VPS41: variants seen among roughly 807,000 people sequenced by gnomAD.
VPS41 encodes the protein VPS41 subunit of HOPS complex, also known as vacuolar protein sorting-associated protein 41 homolog.
In VPS41, 85 loss-of-function variants were observed where a neutral mutation model predicts 130.9. The ratio of observed to expected loss-of-function variants is 0.65; its 90% confidence interval spans 0.55 to 0.78. The LOEUF (loss-of-function observed/expected upper bound fraction) is 0.78, where lower values mean the gene tolerates loss of function less well. Ranked by LOEUF, VPS41 falls within the 30% of genes least tolerant of loss-of-function variation. The probability of loss-of-function intolerance (pLI) is 0.00; values close to 1 mark genes in which losing one functional copy is unlikely to be tolerated. For missense variants in VPS41, 874 were observed against 1,018.7 expected (o/e 0.86, Z 1.93); for synonymous variants, 335 against 332.9 (o/e 1.01, Z -0.07).
chr7:38,817,106 G>C (rs574427423), intron 7 of VPS41, among the ~76,000 whole-genome samples: 6 of 151,540 alleles, frequency 4.0e-5, no homozygotes, highest in African/African-American at 9.7e-5. Context: ...TGTCAGCGAA[G>C]AGTAGCCATA....
chr7:38,830,842 G>A (rs1175775619), intron 4 of VPS41, among the ~76,000 whole-genome samples: 1 of 152,188 alleles, frequency 6.6e-6, no homozygotes, highest in East Asian at 1.9e-4. Flanking sequence ...TTCCTAGAAT[G>A]TCAGAAGAGT....
chr7:38,727,586 C>T (rs1304026800), intron 27 of VPS41, among the ~76,000 whole-genome samples: 1 of 152,184 alleles, frequency 6.6e-6, no homozygotes, highest in Non-Finnish European at 1.5e-5. Flanking sequence ...TGCTGCAACA[C>T]TGTCTGAAAT....
At chr7:38,883,714 A>G (rs1786662516) in intron 2 of VPS41, among the ~76,000 whole-genome samples, 1 of 152,214 alleles carries the variant, frequency 6.6e-6, no homozygotes, top group Non-Finnish European at 1.5e-5. Flanking sequence ...CTAGGTAGTG[A>G]AATTATAAAT....
chr7:38,817,414 G>C (rs530119451), intron 7 of VPS41, among the ~76,000 whole-genome samples: 5 of 152,090 alleles, frequency 3.3e-5, no homozygotes, highest in Admixed American at 3.3e-4. Context: ...GACCAGCCAG[G>C]CCATGTCTTT....
At chr7:38,907,703 GT>G (rs1029996563) in intron 1 of VPS41, among the ~76,000 whole-genome samples, 3 of 152,072 alleles carry the variant, frequency 2.0e-5, no homozygotes, top group Admixed American at 6.5e-5. Context: ...TATTTCATAG[GT>G]TTTTTTCAAT....
chr7:38,785,647 C>A (rs1315257948), intron 10 of VPS41, among the ~76,000 whole-genome samples: 1 of 152,198 alleles, frequency 6.6e-6, no homozygotes, highest in South Asian at 2.1e-4. Flanking sequence ...CTGCTAATCA[C>A]AAGGTTCAAA....
At chr7:38,822,234 T>C (rs1785185740) in intron 5 of VPS41, among the ~76,000 whole-genome samples, 1 of 152,144 alleles carries the variant, frequency 6.6e-6, no homozygotes, top group African/African-American at 2.4e-5. Context: ...ATACAAATCA[T>C]AAATTTATAG....
At chr7:38,849,869 G>A (rs1057356428) in intron 4 of VPS41, among the ~76,000 whole-genome samples, 4 of 152,048 alleles carry the variant, frequency 2.6e-5, no homozygotes, top group East Asian at 1.9e-4. Context: ...CCCAGGGGTG[G>A]AGCCCTAGCC....
At chr7:38,836,721 G>A (rs1785503376) in intron 4 of VPS41, among the ~76,000 whole-genome samples, 2 of 151,626 alleles carry the variant, frequency 1.3e-5, no homozygotes, top group Admixed American at 6.6e-5. Flanking sequence ...ACAAGAACAA[G>A]AGTTAATTTA....
intron 4 of VPS41, among the ~76,000 whole-genome samples, chr7:38,837,524 G>T (rs1401302479): frequency 6.6e-6 from 1 of 152,112 alleles, no homozygotes; most frequent in African/African-American, 2.4e-5. Context: ...GCTGATTTTT[G>T]ACCTGTATCC....
chr7:38,876,532 TA>T (rs375905927), intron 2 of VPS41, among the ~76,000 whole-genome samples: 2 of 152,006 alleles, frequency 1.3e-5, no homozygotes, highest in African/African-American at 2.4e-5. Context: ...AGATAGCAAA[TA>T]AAAAAAATCA....
chr7:38,848,526 T>C (rs973761114), intron 4 of VPS41, among the ~76,000 whole-genome samples: 1 of 152,220 alleles, frequency 6.6e-6, no homozygotes, highest in East Asian at 1.9e-4. Flanking sequence ...GTAGTAAACA[T>C]GTTCAGTTGG....
At position 38,909,163 on chromosome 7, in the gene VPS41, T is replaced by C; in HGVS notation, c.12A>G (p.Ala4=). 1.9e-6 allele frequency: 3 copies of C among 1,614,202 alleles called. No individual in the cohort carries two copies. Among genetic ancestry groups the C allele is most frequent in the South Asian group, 2.2e-5 (2 of 91,092 alleles). The change falls in exon 1 of 29, where the codon GCA becomes GCG. Residue 4 remains alanine, a synonymous_variant. Coordinates refer to ENST00000310301, the MANE Select transcript of VPS41 (RefSeq NM_014396.4). The part of the protein sequence containing the change: MAE[A]EEQETGSLEE... ...CACCTGCACCCTTTACCTGCTCCTC[T>C]GCTTCCGCCATGGCGCCACGGGAGA...
At chr7:38,860,476 T>C (rs1786081901) in intron 4 of VPS41, among the ~76,000 whole-genome samples, 1 of 152,052 alleles carries the variant, frequency 6.6e-6, no homozygotes, top group Non-Finnish European at 1.5e-5. Flanking sequence ...TCTATTGCTA[T>C]AGTTTAGTTT....
rs147210031 is a variant in VPS41, at chr7:38,869,159, G to A, written c.155C>T (p.Thr52Ile). The change falls in exon 3 of 29, where the codon ACA becomes ATA. Residue 52 changes from threonine (T) to isoleucine (I), a missense_variant. Coordinates refer to ENST00000310301, the MANE Select transcript of VPS41 (RefSeq NM_014396.4). ...ILQKDAASCM[T>I]VHDKFLALGT... Reference sequence around the variant, plus strand: ...GTGCTATCTTACCTTGTCATGGACTGTCATGCAGCTAGCTGCATCCTTCTG... The same window carrying A: ...GTGCTATCTTACCTTGTCATGGACTATCATGCAGCTAGCTGCATCCTTCTG... 3.1e-6 allele frequency: 5 copies of A among 1,597,916 alleles called. No individual in the cohort carries two copies. The East Asian group carries it at 1.1e-4, about 36-fold the overall frequency.
chr7:38,825,879 C>A (rs1785263872), intron 5 of VPS41, among the ~76,000 whole-genome samples: 1 of 152,226 alleles, frequency 6.6e-6, no homozygotes, highest in South Asian at 2.1e-4. Flanking sequence ...AACCAGAACA[C>A]TGGGCAACAG....
chr7:38,765,813 C>T (rs1784029805), intron 15 of VPS41, 152 bp from the exon 16 acceptor site: 1 of 543,162 alleles, frequency 1.8e-6, no homozygotes, highest in Non-Finnish European at 3.2e-6. Context: ...TACCAACGAA[C>T]ATAAAGATAT....
chr7:38,754,774 C>G, intron 20 of VPS41, 22 bp from the exon 21 acceptor site: 1 of 1,609,046 alleles, frequency 6.2e-7, no homozygotes, highest in Non-Finnish European at 8.5e-7. Context: ...AGAAAAGTTT[C>G]AAGGTGGAGT....
chr7:38,744,574 C>T (rs908513615), intron 23 of VPS41, among the ~76,000 whole-genome samples: 1 of 152,204 alleles, frequency 6.6e-6, no homozygotes, highest in East Asian at 1.9e-4. Context: ...AAGTCCTCTA[C>T]TGCTTCTAAG....
Sources: gnomAD v4.1 joint callset for allele counts (sites outside exome capture counted in the v4.1 genomes callset) on GRCh38, gnomAD v4.1.1 for gene constraint, MANE v1.5 for transcripts, NCBI Gene and HGNC (gene_info 2026-07-23, HGNC 2026-07-21) for gene names.